The following PAX2 variants were observed in gnomAD, a reference collection of about 807,000 sequenced individuals.
PAX2 encodes the protein paired box protein Pax-2.
In PAX2, 9 loss-of-function variants were observed where a neutral mutation model predicts 41.7. The observed-to-expected ratio is 0.22, with a 90% CI of 0.13 to 0.38. The LOEUF (loss-of-function observed/expected upper bound fraction) is 0.38. Among genes scored for constraint, PAX2 ranks in the 10% least tolerant of loss-of-function variants. The pLI, the probability that PAX2 is intolerant of heterozygous loss-of-function variation, is 1.00. For synonymous variants in PAX2, 221 were observed against 212.7 expected (o/e 1.04, Z -0.34); for missense variants, 418 against 531.6 (o/e 0.79, Z 2.10).
intron 5 of PAX2, among the ~76,000 whole-genome samples, chr10:100,803,331 T>G (rs982424300): frequency 3.9e-5 from 6 of 152,054 alleles, no homozygotes; most frequent in Non-Finnish European, 7.4e-5. Context: ...TTCCCTGAGC[T>G]TATCCTCCTT....
At chr10:100,777,398 C>CTTTTTTTTTTTTT (rs56136871) in intron 3 of PAX2, among the ~76,000 whole-genome samples, 1,431 of 121,574 alleles carry the variant, frequency 0.012, 68 homozygotes, top group Non-Finnish European at 0.015. Flanking sequence ...CGCATCTGGC[C>CTTTTTTTTTTTTT]TTTTTTTTTT....
At chr10:100,786,593 C>T (rs910869154) in intron 5 of PAX2, among the ~76,000 whole-genome samples, 1 of 152,140 alleles carries the variant, frequency 6.6e-6, no homozygotes, top group Admixed American at 6.5e-5. Context: ...GTGCAGTTAC[C>T]TGGGTAGTGT....
chr10:100,762,185 G>T (rs556918577), intron 3 of PAX2, among the ~76,000 whole-genome samples: 2 of 148,918 alleles, frequency 1.3e-5, no homozygotes, highest in East Asian at 3.9e-4. Context: ...GCAACAGAGT[G>T]AGGCCCATCT....
At chr10:100,811,865 A>G (rs1322776820) in intron 7 of PAX2, among the ~76,000 whole-genome samples, 1 of 152,196 alleles carries the variant, frequency 6.6e-6, no homozygotes, top group Admixed American at 6.5e-5. Flanking sequence ...CTTCTTCCCC[A>G]GGACTGACAG....
rs969043046 is a variant in PAX2 at position 100,747,895 on chromosome 10, C to G, written c.43+1592C>G. The stretch of plus-strand genomic sequence containing the variant: ...CTCTCGTTCTCCTTTTTTGCGGATT[C>G]CGCCGGGGGTCCGCCGAGTCCTGGC... On this transcript the variant is annotated intron_variant, in intron 1 of 9. Transcript: ENST00000355243. 4.1e-6 allele frequency: 4 copies of G among 984,336 alleles called. No homozygotes were observed. The African/African-American group carries it at 7.0e-5, about 17-fold the overall frequency. 61.0% of individuals were successfully genotyped at this position (984,336 alleles called of 1,614,324 possible).
At chr10:100,803,678 G>A (rs1180572194) in intron 5 of PAX2, among the ~76,000 whole-genome samples, 1 of 151,940 alleles carries the variant, frequency 6.6e-6, no homozygotes, top group South Asian at 2.1e-4. Context: ...GGGGGGTGGG[G>A]GTTCTCCGCA....
intron 3 of PAX2, among the ~76,000 whole-genome samples, chr10:100,775,366 A>G (rs1030218894): frequency 2.0e-5 from 3 of 152,192 alleles, no homozygotes; most frequent in Admixed American, 6.5e-5. Flanking sequence ...AGACAGGAGG[A>G]CAATGGATGA....
In PAX2 at chr10:100,824,890, C is replaced by A. The variant is rs530216201; in HGVS notation, c.1021+141C>A. ...TGCAAACCACTGCTATTCTGTCCCTCTCTCTCCTTAGAGGCTGCAGTTGGT... is the reference window on the plus strand; with the variant it reads ...TGCAAACCACTGCTATTCTGTCCCTATCTCTCCTTAGAGGCTGCAGTTGGT... On this transcript the variant is annotated intron_variant, in intron 8 of 9. Coordinates refer to ENST00000355243, the MANE Select transcript of PAX2 (RefSeq NM_000278.5). This position sits in a 1 kb window ranked among gnomAD's most constrained non-coding sequence, Gnocchi z 6.6. The A allele has an allele frequency of 1.3e-3, 2,100 of 1,612,530 alleles. 42 individuals are homozygous for A. In the South Asian group the frequency reaches 0.022, roughly 17 times the overall value.
At chr10:100,795,441 A>T (rs1847288236) in intron 5 of PAX2, among the ~76,000 whole-genome samples, 1 of 152,208 alleles carries the variant, frequency 6.6e-6, no homozygotes, top group Non-Finnish European at 1.5e-5. Flanking sequence ...AGTTGCTTCC[A>T]CTCAGGGCAA....
rs1845318915 is a variant in PAX2, at chr10:100,748,875, G to A, written c.44-871G>A. 11 of 985,456 alleles carry A rather than the reference G, an allele frequency of 1.1e-5. No individual in the cohort carries two copies. Among genetic ancestry groups the A allele is most frequent in the Non-Finnish European group, 1.3e-5 (11 of 829,940 alleles). The allele number at this position is 985,456 out of a possible 1,614,324, so 61.0% of individuals were successfully genotyped here. A position where few individuals can be genotyped will look rare whatever the true frequency, so the allele number is the denominator to read the frequency against. ...CGCCCCGAGAGTTATTAACTCGCCA[G>A]CGAGGCCTATGCCGTGCCACCTGGG... is the stretch of plus-strand genomic sequence containing the variant. On this transcript the variant is annotated intron_variant, in intron 1 of 9. Coordinates refer to ENST00000355243, the MANE Select transcript of PAX2 (RefSeq NM_000278.5). This position sits in a 1 kb window ranked among gnomAD's most constrained non-coding sequence, Gnocchi z 5.0.
In PAX2 at chr10:100,827,656, C is replaced by T; in HGVS notation, c.*37C>T. On this transcript the variant is annotated 3_prime_UTR_variant, in exon 10 of 10. Transcript: ENST00000355243. This position sits in a 1 kb window ranked among gnomAD's most constrained non-coding sequence, Gnocchi z 8.5. ...ACCACATCAAGCTTCAGGCCGACAG[C>T]TTCGGCCTCCACATCGTCCCCGTCT... The T allele has an allele frequency of 6.2e-7, 1 of 1,613,764 alleles. No homozygotes were observed. Among genetic ancestry groups the T allele is most frequent in the Non-Finnish European group, 8.5e-7 (1 of 1,179,880 alleles).
intron 5 of PAX2, 110 bp downstream of exon 5, chr10:100,781,475 G>T: frequency 2.5e-6 from 3 of 1,185,870 alleles, no homozygotes; most frequent in Non-Finnish European, 2.5e-6. Flanking sequence ...ATCAATTTTA[G>T]TAGCAAAGCC....
In PAX2 at chr10:100,828,239, G is replaced by C. The variant is rs1255958327; in HGVS notation, c.*620G>C. ...TGTGCCCTGTCCCAGAAGATGGAAT[G>C]GGGGTGTGGGGGTCCGGCTCTAGGA... On this transcript the variant is annotated 3_prime_UTR_variant, in exon 10 of 10. Transcript: ENST00000355243. The surrounding 1 kb of genome is among the most constrained non-coding windows in gnomAD (Gnocchi z 6.5). The C allele has an allele frequency of 1.3e-5, 3 of 232,938 alleles. No individual in the cohort carries two copies. Among genetic ancestry groups the C allele is most frequent in the Non-Finnish European group, 2.5e-5 (3 of 117,910 alleles). The allele number at this position is 232,938 out of a possible 1,614,324, so 14.4% of individuals were successfully genotyped here.
intron 3 of PAX2, among the ~76,000 whole-genome samples, chr10:100,762,649 A>G (rs1210964743): frequency 1.3e-5 from 2 of 152,162 alleles, no homozygotes; most frequent in African/African-American, 4.8e-5. Flanking sequence ...CTCTCTGGAT[A>G]AGGAAGTTGT....
Position 100,829,943 on chromosome 10 carries a change from T to G in PAX2, c.*2324T>G, listed in dbSNP as rs1024909655. 2 of 169,358 alleles carry G rather than the reference T, an allele frequency of 1.2e-5. No homozygotes were observed. Among genetic ancestry groups the G allele is most frequent in the Non-Finnish European group, 2.6e-5 (2 of 77,882 alleles). 10.5% of individuals were successfully genotyped at this position (169,358 alleles called of 1,614,324 possible). On this transcript the variant is annotated 3_prime_UTR_variant, in exon 10 of 10. Coordinates refer to ENST00000355243, the MANE Select transcript of PAX2 (RefSeq NM_000278.5). ...TAAAGAATAAAATTTTGTATGTCAC[T>G]CCCCATGGCTCCAAGTTTGTCTCTC...
intron 3 of PAX2, among the ~76,000 whole-genome samples, chr10:100,758,085 A>G (rs1845700109): frequency 1.3e-5 from 2 of 151,970 alleles, no homozygotes; most frequent in Admixed American, 1.3e-4. Flanking sequence ...GTGTTTTCCA[A>G]GGGAGAAGGA....
At chr10:100,760,561 G>GGT (rs985344056) in intron 3 of PAX2, among the ~76,000 whole-genome samples, 76 of 152,306 alleles carry the variant, frequency 5.0e-4, no homozygotes, top group African/African-American at 1.8e-3. Flanking sequence ...CAGGGTGGAG[G>GGT]GTGTGTGTAG....
chr10:100,745,666 C>G lies in PAX2; in HGVS notation c.-595C>G. ...GCGCCGCTCGGCTCCCTCCCTCCCT[C>G]CCGGCCCTTCGGCCGCGGCGGCGTG... On this transcript the variant is annotated 5_prime_UTR_variant, in exon 1 of 10. Coordinates refer to ENST00000355243, the MANE Select transcript of PAX2 (RefSeq NM_000278.5). 1.2e-6 allele frequency: 1 copy of G among 836,836 alleles called. No homozygotes were observed. 51.8% of individuals were successfully genotyped at this position (836,836 alleles called of 1,614,324 possible).
In PAX2 at chr10:100,749,734, G is replaced by C; in HGVS notation, c.44-12G>C. 1 of 1,604,536 alleles carries C rather than the reference G, an allele frequency of 6.2e-7. No homozygotes were observed. The highest frequency in any genetic ancestry group is 8.5e-7 in the Non-Finnish European group (1 of 1,173,948). On this transcript the variant is annotated splice_polypyrimidine_tract_variant and intron_variant, in intron 1 of 9. Transcript: ENST00000355243. Reference sequence around the variant, plus strand: ...GTGTGGGGTGTTGTGTTTTTTTCTTGTCTCTCCCCAGCAGGGCACGGGGGT... The same window carrying C: ...GTGTGGGGTGTTGTGTTTTTTTCTTCTCTCTCCCCAGCAGGGCACGGGGGT...
Sources: gnomAD v4.1 joint callset for allele counts (sites outside exome capture counted in the v4.1 genomes callset) on GRCh38, gnomAD v4.1.1 for gene constraint, Gnocchi (gnomAD v3.1) non-coding constraint, MANE v1.5 for transcripts, NCBI Gene and HGNC (gene_info 2026-07-23, HGNC 2026-07-21) for gene names.